Variants in RASEF observed in about 807,000 individuals in gnomAD.
RASEF encodes ras and EF-hand domain-containing protein.
In RASEF, 68 loss-of-function variants were observed where a neutral mutation model predicts 90.1. The observed-to-expected ratio is 0.75, with a 90% CI of 0.62 to 0.92. RASEF has a LOEUF of 0.92. Ranked by LOEUF, RASEF falls within the 40% of genes least tolerant of loss-of-function variation. The pLI, the probability that RASEF is intolerant of heterozygous loss-of-function variation, is 0.00. For synonymous variants in RASEF, 331 were observed against 345.2 expected (o/e 0.96, Z 0.46); for missense variants, 949 against 937.2 (o/e 1.01, Z -0.16).
intron 3 of RASEF, among the ~76,000 whole-genome samples, chr9:83,019,051 A>T (rs1418034587): frequency 1.3e-5 from 2 of 152,198 alleles, no homozygotes; most frequent in Non-Finnish European, 2.9e-5. Context: ...TATAGAAGAA[A>T]ACACAGGGGA....
intron 1 of RASEF, among the ~76,000 whole-genome samples, chr9:83,035,616 T>G (rs1245389968): frequency 6.6e-6 from 1 of 152,232 alleles, no homozygotes; most frequent in African/African-American, 2.4e-5. Flanking sequence ...AGTGCACATT[T>G]GCTCTCCCCG....
chr9:83,017,803 T>G (rs892433140), intron 3 of RASEF, among the ~76,000 whole-genome samples: 1 of 152,144 alleles, frequency 6.6e-6, no homozygotes, highest in Non-Finnish European at 1.5e-5. Context: ...TTAAGTAAAA[T>G]TTAGCAAACT....
chr9:82,993,031 A>G lies in RASEF; in HGVS notation c.1921-6T>C, dbSNP rs1828843741. ...ACAGTCTCATGGGCTGCATCCTACC[A>G]GGAAGAAAAAAAAAATGGGGCACAC... On this transcript the variant is annotated splice_region_variant and splice_polypyrimidine_tract_variant and intron_variant, in intron 14 of 16. Coordinates refer to ENST00000376447, the MANE Select transcript of RASEF (RefSeq NM_152573.4). 6.2e-7 allele frequency: 1 copy of G among 1,611,064 alleles called. No homozygotes were observed. Among genetic ancestry groups the G allele is most frequent in the East Asian group, 2.2e-5 (1 of 44,868 alleles).
At chr9:83,031,311 A>G (rs962259835) in intron 1 of RASEF, among the ~76,000 whole-genome samples, 7 of 152,182 alleles carry the variant, frequency 4.6e-5, no homozygotes, top group African/African-American at 1.4e-4. Context: ...AGTCTTAACA[A>G]TCACTACCCA....
chr9:83,150,340 A>C, the RASEF span, among the ~76,000 whole-genome samples: 2 of 152,130 alleles, frequency 1.3e-5, no homozygotes, highest in Admixed American at 6.5e-5. Flanking sequence ...TGAAAGTTTC[A>C]GACTTCTAAT....
At chr9:82,983,121 A>G (rs914977687) in intron 16 of RASEF, among the ~76,000 whole-genome samples, 2 of 133,866 alleles carry the variant, frequency 1.5e-5, no homozygotes, top group African/African-American at 6.2e-5. Context: ...ACACACACAC[A>G]CACACACACA....
the RASEF span, among the ~76,000 whole-genome samples, chr9:83,128,576 TG>T: frequency 4.0e-5 from 6 of 151,380 alleles, no homozygotes; most frequent in East Asian, 1.9e-4. Flanking sequence ...CAGTTTTGGG[TG>T]GGGGGGCCAC....
At chr9:83,140,063 T>C in the RASEF span, among the ~76,000 whole-genome samples, 1 of 152,312 alleles carries the variant, frequency 6.6e-6, no homozygotes, top group Admixed American at 6.5e-5. Flanking sequence ...AGCTCATATA[T>C]GGTTCTCTGA....
chr9:83,027,590 A>G (rs1167258841), intron 1 of RASEF, among the ~76,000 whole-genome samples: 1 of 152,228 alleles, frequency 6.6e-6, no homozygotes, highest in South Asian at 2.1e-4. Flanking sequence ...ATTATTTAAA[A>G]TCTTTTACTA....
At chr9:83,024,966 G>C (rs2118571948) in intron 2 of RASEF, among the ~76,000 whole-genome samples, 1 of 152,274 alleles carries the variant, frequency 6.6e-6, no homozygotes, top group Non-Finnish European at 1.5e-5. Flanking sequence ...CGACAGCAAG[G>C]AGCATCCGTG....
chr9:83,112,178 T>C, the RASEF span, among the ~76,000 whole-genome samples: 8 of 152,136 alleles, frequency 5.3e-5, no homozygotes, highest in African/African-American at 1.9e-4. Context: ...TGAGATCATA[T>C]TGACACTTTC....
intron 9 of RASEF, among the ~76,000 whole-genome samples, chr9:83,003,929 T>C (rs1043976866): frequency 6.6e-6 from 1 of 152,204 alleles, no homozygotes; most frequent in Non-Finnish European, 1.5e-5. Context: ...AAGTGATTAC[T>C]AGGTCTCAAG....
At chr9:83,060,725 G>A (rs1830188190) in intron 1 of RASEF, among the ~76,000 whole-genome samples, 1 of 152,208 alleles carries the variant, frequency 6.6e-6, no homozygotes, top group Admixed American at 6.5e-5. Context: ...ACAATCTGAT[G>A]CAGCAACTCA....
chr9:83,097,976 T>A, the RASEF span, among the ~76,000 whole-genome samples: 8 of 152,244 alleles, frequency 5.3e-5, no homozygotes, highest in Non-Finnish European at 1.0e-4. Context: ...TATTTCTTAT[T>A]TCTTACAAAT....
chr9:83,047,582 C>T (rs1829956472), intron 1 of RASEF, among the ~76,000 whole-genome samples: 1 of 152,138 alleles, frequency 6.6e-6, no homozygotes, highest in African/African-American at 2.4e-5. Context: ...CCTGGACATC[C>T]CAATGCATTC....
At chr9:83,082,759 C>T in the RASEF span, among the ~76,000 whole-genome samples, 1 of 152,100 alleles carries the variant, frequency 6.6e-6, no homozygotes, top group South Asian at 2.1e-4. Context: ...TTTGTTTTGA[C>T]AGTTTTTCTC....
the RASEF span, among the ~76,000 whole-genome samples, chr9:83,073,885 A>G: frequency 6.6e-6 from 1 of 152,224 alleles, no homozygotes; most frequent in African/African-American, 2.4e-5. Context: ...TTTTAACTTT[A>G]TCATTATTTG....
At chr9:83,190,402 C>A in the RASEF span, among the ~76,000 whole-genome samples, 1 of 152,138 alleles carries the variant, frequency 6.6e-6, no homozygotes, top group South Asian at 2.1e-4. Context: ...TCTAGTGGAT[C>A]AATGGGCATT....
the RASEF span, among the ~76,000 whole-genome samples, chr9:83,144,326 GGAAAGAAAGAAAGAAAGAAAGAAAGAAA>G: frequency 2.0e-4 from 8 of 39,486 alleles, no homozygotes; most frequent in East Asian, 4.8e-3. Flanking sequence ...AAAGAAAGAA[GGAAAGAAAGAAAGAAAGAAAGAAAGAAA>G]GAAAGAAAGA....
Sources: allele counts gnomAD v4.1 joint callset (sites outside exome capture counted in the v4.1 genomes callset), GRCh38; gene constraint gnomAD v4.1.1; transcripts MANE v1.5; gene names NCBI Gene and HGNC (gene_info 2026-07-23, HGNC 2026-07-21).